The following ZC2HC1C variants were observed in gnomAD, a reference collection of about 807,000 sequenced individuals.
ZC2HC1C encodes the protein zinc finger C2HC domain-containing protein 1C.
Under a neutral mutation model 39.2 loss-of-function variants are expected in ZC2HC1C, and 25 were observed. That is an observed-to-expected ratio of 0.64 (90% CI 0.47 to 0.89). The LOEUF (loss-of-function observed/expected upper bound fraction) is 0.89. Among genes scored for constraint, ZC2HC1C ranks in the 40% least tolerant of loss-of-function variants. ZC2HC1C has a pLI of 0.00. For missense variants in ZC2HC1C, 519 were observed against 548.6 expected (o/e 0.95, Z 0.54); for synonymous variants, 209 against 214.4 (o/e 0.97, Z 0.22).
chr14:75,075,653 T>C (rs1246720179), intron 2 of ZC2HC1C, among the ~76,000 whole-genome samples: 1 of 152,258 alleles, frequency 6.6e-6, no homozygotes, highest in Non-Finnish European at 1.5e-5. Flanking sequence ...CTCTATTTAT[T>C]TTGAAATTCT....
chr14:75,070,858 T>TC lies in ZC2HC1C; in HGVS notation c.287dup (p.Glu97ArgfsTer3). The TC allele has an allele frequency of 6.2e-7, 1 of 1,614,218 alleles. No individual in the cohort carries two copies. The highest frequency in any genetic ancestry group is 8.5e-7 in the Non-Finnish European group (1 of 1,180,028). ...ACTGTACTGGAATCAGCCAGCAAGA[T>TC]CCAGAAAGTGATTCCCAGGGCCAAG... On this transcript the variant is annotated frameshift_variant, in exon 2 of 3. Coordinates refer to ENST00000524913, the MANE Select transcript of ZC2HC1C (RefSeq NM_024643.4). LOFTEE classifies it high-confidence loss of function.
chr14:75,074,098 C>T (rs544282951), intron 2 of ZC2HC1C, among the ~76,000 whole-genome samples: 32 of 152,104 alleles, frequency 2.1e-4, no homozygotes, highest in Non-Finnish European at 3.2e-4. Context: ...TTAGTAGAGA[C>T]GGGGTTTCAC....
In ZC2HC1C at chr14:75,071,398, TAATA is replaced by T; in HGVS notation, c.828_831del (p.Asn276LysfsTer56). On this transcript the variant is annotated frameshift_variant, in exon 2 of 3. Transcript: ENST00000524913. LOFTEE classifies it high-confidence loss of function. ...TACTCCCCAGGAGCAGAGTTAAAGG[TAATA>T]AAAGCAACACCATGTACAAACCTAT... The T allele has an allele frequency of 6.2e-7, 1 of 1,614,066 alleles. No homozygotes were observed. The highest frequency in any genetic ancestry group is 1.6e-4 in the Middle Eastern group (1 of 6,062).
At chr14:75,077,133 T>A (rs1456300896) in intron 2 of ZC2HC1C, among the ~76,000 whole-genome samples, 1 of 152,228 alleles carries the variant, frequency 6.6e-6, no homozygotes, top group Non-Finnish European at 1.5e-5. Context: ...CTAGATTTCC[T>A]GAGTCAGAAA....
intron 2 of ZC2HC1C, among the ~76,000 whole-genome samples, chr14:75,073,265 A>C (rs1183196794): frequency 6.6e-6 from 1 of 152,226 alleles, no homozygotes; most frequent in Non-Finnish European, 1.5e-5. Flanking sequence ...TGCAGATAAT[A>C]ATATGATCAC....
intron 2 of ZC2HC1C, chr14:75,073,532 C>T (rs1441202931): frequency 7.8e-7 from 1 of 1,278,592 alleles, no homozygotes; most frequent in Admixed American, 2.3e-5. Context: ...TAAGATGCAC[C>T]TGCACCACCC....
chr14:75,077,014 G>T (rs1431698529), intron 2 of ZC2HC1C, among the ~76,000 whole-genome samples: 1 of 152,082 alleles, frequency 6.6e-6, no homozygotes, highest in Non-Finnish European at 1.5e-5. Flanking sequence ...AATATGCTTG[G>T]TACTCTGGGG....
At position 75,071,217 on chromosome 14, in the gene ZC2HC1C, G is replaced by A; in HGVS notation, c.644G>A (p.Arg215Lys). The A allele has an allele frequency of 6.2e-7, 1 of 1,614,206 alleles. No individual in the cohort carries two copies. Among genetic ancestry groups the A allele is most frequent in the African/African-American group, 1.3e-5 (1 of 75,050 alleles). ...AGGACGGAGTGGGTGCAGATCCGAA[G>A]ACTAGAAGCTGCAGGGGAGAGCTTA... The part of the protein sequence containing the change: ...FDRTEWVQIR[R>K]LEAAGESLEE... The change falls in exon 2 of 3, where the codon AGA becomes AAA. Residue 215 changes from arginine to lysine, a missense_variant. Transcript: ENST00000524913.
rs150713060 is a variant in ZC2HC1C at position 75,070,902 on chromosome 14, C to G, written c.329C>G (p.Ser110Trp). 5.9e-5 allele frequency: 95 copies of G among 1,614,212 alleles called. No homozygotes were observed. The East Asian group carries it at 2.1e-3, about 35-fold the overall frequency. ...GGCCAAGGAAATGGTTTGTTTTACT[C>G]GTCAGGCCCTCAATCCTGGTATCCC... ...SQGQGNGLFY[S>W]SGPQSWYPKA... is the part of the protein sequence containing the mutation. The change falls in exon 2 of 3, where the codon TCG becomes TGG. Residue 110 changes from serine to tryptophan, a missense_variant. Ser to Trp is a radical substitution (Grantham distance 177). Coordinates refer to ENST00000524913, the MANE Select transcript of ZC2HC1C (RefSeq NM_024643.4).
At chr14:75,076,996 A>T (rs908007306) in intron 2 of ZC2HC1C, among the ~76,000 whole-genome samples, 3 of 152,026 alleles carry the variant, frequency 2.0e-5, no homozygotes, top group African/African-American at 7.2e-5. Flanking sequence ...TTTTCCTATG[A>T]GGATGCCAAT....
In ZC2HC1C at chr14:75,071,025, GT is replaced by G; in HGVS notation, c.453del (p.Ser151ArgfsTer30). The G allele has an allele frequency of 6.2e-7, 1 of 1,614,230 alleles. No individual in the cohort carries two copies. The highest frequency in any genetic ancestry group is 8.5e-7 in the Non-Finnish European group (1 of 1,180,056). On this transcript the variant is annotated frameshift_variant, in exon 2 of 3. Coordinates refer to ENST00000524913, the MANE Select transcript of ZC2HC1C (RefSeq NM_024643.4). LOFTEE classifies it high-confidence loss of function. ...CCCATGGTCCACAGGAAGTCGTGCA[GT>G]ACAGGTGAGGCTGGCACTGATGGGG... ...LKPMVHRKSC[S>X]TGEAGTDGDH...
chr14:75,075,877 T>C (rs1893642782), intron 2 of ZC2HC1C, among the ~76,000 whole-genome samples: 1 of 152,152 alleles, frequency 6.6e-6, no homozygotes, highest in African/African-American at 2.4e-5. Context: ...ACCAATATGG[T>C]GAAACCCCAT....
chr14:75,071,817 G>A lies in ZC2HC1C; in HGVS notation c.1244G>A (p.Gly415Asp), dbSNP rs1219335212. The A allele has an allele frequency of 6.2e-7, 1 of 1,614,170 alleles. No homozygotes were observed. Among genetic ancestry groups the A allele is most frequent in the African/African-American group, 1.3e-5 (1 of 75,038 alleles). ...RHSNICSRMRGSKRKVFDSSR... is the reference protein window; with the variant it reads ...RHSNICSRMRDSKRKVFDSSR... ...TCCAACATCTGCAGCAGGATGCGGG[G>A]TTCCAAGAGGAAAGTGTTTGACTCC... is the stretch of plus-strand genomic sequence containing the variant. Residue 415 changes from glycine to aspartate, a missense_variant, in exon 2 of 3, where the codon GGT (glycine) becomes GAT (aspartate). Coordinates refer to ENST00000524913, the MANE Select transcript of ZC2HC1C (RefSeq NM_024643.4).
intron 2 of ZC2HC1C, among the ~76,000 whole-genome samples, chr14:75,074,351 T>C (rs1448763255): frequency 6.6e-6 from 1 of 152,300 alleles, no homozygotes; most frequent in African/African-American, 2.4e-5. Flanking sequence ...CAATGCCAGA[T>C]CACCAAGAGC....
chr14:75,077,708 C>A lies in ZC2HC1C; in HGVS notation c.*144C>A. On this transcript the variant is annotated 3_prime_UTR_variant, in exon 3 of 3. Transcript: ENST00000524913. ...TTCAGTGTCCTCAGTGTAGCCACCACTTTGCTCCCAAGGTGGCTGAGCAAC... is the reference window on the plus strand; with the variant it reads ...TTCAGTGTCCTCAGTGTAGCCACCAATTTGCTCCCAAGGTGGCTGAGCAAC... The A allele has an allele frequency of 1.0e-6, 1 of 964,114 alleles. No homozygotes were observed. Among genetic ancestry groups the A allele is most frequent in the Non-Finnish European group, 1.6e-6 (1 of 636,446 alleles). 59.7% of individuals were successfully genotyped at this position (964,114 alleles called of 1,614,324 possible).
intron 1 of ZC2HC1C, chr14:75,070,040 C>T: frequency 6.4e-6 from 1 of 156,516 alleles, no homozygotes; most frequent in Admixed American, 6.2e-5. Flanking sequence ...AGCTTTTGTG[C>T]TCTTTGGAAT....
intron 1 of ZC2HC1C, 62 bp from the exon 2 acceptor site, chr14:75,070,493 T>C: frequency 1.3e-6 from 2 of 1,516,482 alleles, no homozygotes; most frequent in Non-Finnish European, 1.8e-6. Context: ...TAGTTTGCTT[T>C]AGCAGCCGAG....
At position 75,070,989 on chromosome 14, in the gene ZC2HC1C, T is replaced by G. The variant is rs1015397737; in HGVS notation, c.416T>G (p.Phe139Cys). Residue 139 changes from phenylalanine to cysteine, a missense_variant, in exon 2 of 3, where the codon TTC becomes TGC. Transcript: ENST00000524913. ...AAACGAGTTGGAGTGGACCGGGCGT[T>G]CCCATTGAAACCCATGGTCCACAGG... ...TKKRVGVDRA[F>C]PLKPMVHRKS... The G allele has an allele frequency of 6.2e-7, 1 of 1,614,008 alleles. No homozygotes were observed. The highest frequency in any genetic ancestry group is 1.3e-5 in the African/African-American group (1 of 74,904).
Position 75,071,831 on chromosome 14 carries a change from G to A in ZC2HC1C, c.1258G>A (p.Val420Met), listed in dbSNP as rs752798686. The change falls in exon 2 of 3, where the codon GTG becomes ATG. Residue 420 changes from valine to methionine, a missense_variant. Coordinates refer to ENST00000524913, the MANE Select transcript of ZC2HC1C (RefSeq NM_024643.4). ...CAGGATGCGGGGTTCCAAGAGGAAA[G>A]TGTTTGACTCCTCCAGGGCCCGGGC... Reference protein sequence around the residue: ...CSRMRGSKRKVFDSSRARAKG... With the variant: ...CSRMRGSKRKMFDSSRARAKG... 6 of 1,614,170 alleles carry A rather than the reference G, an allele frequency of 3.7e-6. No homozygotes were observed. The highest frequency in any genetic ancestry group is 4.2e-6 in the Non-Finnish European group (5 of 1,180,026).
Sources: allele counts gnomAD v4.1 joint callset (sites outside exome capture counted in the v4.1 genomes callset), GRCh38; gene constraint gnomAD v4.1.1; transcripts MANE v1.5; gene names NCBI Gene and HGNC (gene_info 2026-07-23, HGNC 2026-07-21).